Variants in KHDRBS2 observed in about 807,000 individuals in gnomAD.
The protein encoded by KHDRBS2 is KH RNA binding domain containing, signal transduction associated 2, also known as KH domain-containing, RNA-binding, signal transduction-associated protein 2.
KHDRBS2 carries 26 observed loss-of-function variants against 44.3 expected under a neutral mutation model. That is an observed-to-expected ratio of 0.59 (90% CI 0.43 to 0.81). The LOEUF is 0.81. Ranked by LOEUF, KHDRBS2 falls within the 40% of genes least tolerant of loss-of-function variation. The probability of loss-of-function intolerance (pLI) is 0.00; values close to 1 mark genes in which losing one functional copy is unlikely to be tolerated. For missense variants in KHDRBS2, 476 were observed against 433.1 expected, an observed-to-expected ratio of 1.10 and a Z score of -0.88; for synonymous variants, 194 against 151.1, an observed-to-expected ratio of 1.28 and a Z score of -2.08.
At chr6:61,655,667 A>G in the KHDRBS2 span, among the ~76,000 whole-genome samples, 1 of 152,092 alleles carries the variant, frequency 6.6e-6, no homozygotes, top group Admixed American at 6.6e-5. Context: ...TTTGGCTAGA[A>G]ATGCTCATCA....
intron 2 of KHDRBS2, among the ~76,000 whole-genome samples, chr6:62,132,173 C>T (rs1220842732): frequency 6.6e-6 from 1 of 152,070 alleles, no homozygotes; most frequent in Non-Finnish European, 1.5e-5. Flanking sequence ...TATGATAATT[C>T]TGAGATTTTC....
intron 2 of KHDRBS2, among the ~76,000 whole-genome samples, chr6:62,049,985 G>A (rs1477531260): frequency 6.6e-6 from 1 of 152,004 alleles, no homozygotes; most frequent in Non-Finnish European, 1.5e-5. Flanking sequence ...AAAGACACAT[G>A]CACACTTATG....
At chr6:61,730,133 C>A (rs1774211155) in intron 7 of KHDRBS2, among the ~76,000 whole-genome samples, 1 of 151,984 alleles carries the variant, frequency 6.6e-6, no homozygotes. Context: ...ATTTTTTCAA[C>A]AAATCTTTAC....
intron 8 of KHDRBS2, 82 bp downstream of exon 8, chr6:61,697,113 G>A (rs1257768542): frequency 2.4e-5 from 23 of 945,612 alleles, no homozygotes; most frequent in Non-Finnish European, 3.7e-5. Flanking sequence ...AAACTAGGGG[G>A]AGAAAGATGG....
chr6:62,204,899 A>G (rs150437212), intron 1 of KHDRBS2, among the ~76,000 whole-genome samples: 103 of 152,206 alleles, frequency 6.8e-4, no homozygotes, highest in African/African-American at 2.4e-3. Context: ...AAATGGGCCT[A>G]TGTAGTTCAA....
At chr6:61,908,082 A>G (rs1805353384) in intron 4 of KHDRBS2, among the ~76,000 whole-genome samples, 1 of 152,178 alleles carries the variant, frequency 6.6e-6, no homozygotes, top group East Asian at 1.9e-4. Context: ...CAACTTGCTA[A>G]CATAGATATT....
intron 2 of KHDRBS2, among the ~76,000 whole-genome samples, chr6:62,074,488 A>G (rs1435764273): frequency 6.6e-6 from 1 of 151,820 alleles, no homozygotes; most frequent in Admixed American, 6.6e-5. Context: ...CTCACCTCTC[A>G]TGTCTGGCTT....
intron 6 of KHDRBS2, among the ~76,000 whole-genome samples, chr6:61,866,061 G>C (rs933546840): frequency 6.6e-6 from 1 of 152,186 alleles, no homozygotes; most frequent in African/African-American, 2.4e-5. Context: ...CTGGGCTCTG[G>C]AGGATGGTGG....
chr6:61,959,519 T>C (rs1768164424), intron 4 of KHDRBS2, among the ~76,000 whole-genome samples: 2 of 152,118 alleles, frequency 1.3e-5, no homozygotes. Context: ...AAAATATCGA[T>C]AGAAACAATT....
At chr6:62,095,707 A>C (rs1310819474) in intron 2 of KHDRBS2, among the ~76,000 whole-genome samples, 5 of 151,802 alleles carry the variant, frequency 3.3e-5, no homozygotes, top group Admixed American at 1.3e-4. Flanking sequence ...TATACCTTTT[A>C]TTTCTTTTTC....
At chr6:62,129,225 C>A (rs1181831908) in intron 2 of KHDRBS2, among the ~76,000 whole-genome samples, 1 of 152,106 alleles carries the variant, frequency 6.6e-6, no homozygotes, top group Non-Finnish European at 1.5e-5. Flanking sequence ...TAAAACCCCA[C>A]AACAAGTTAT....
chr6:62,231,031 A>G (rs1832815411), intron 1 of KHDRBS2, among the ~76,000 whole-genome samples: 2 of 152,334 alleles, frequency 1.3e-5, no homozygotes, highest in South Asian at 4.1e-4. Context: ...CACATGAGCT[A>G]TTATACCTTC....
chr6:62,075,209 T>C (rs1250780219), intron 2 of KHDRBS2, among the ~76,000 whole-genome samples: 2 of 151,624 alleles, frequency 1.3e-5, no homozygotes, highest in East Asian at 3.9e-4. Context: ...CTTTGGGAGG[T>C]GATCAGGTCA....
At chr6:61,568,296 T>C in the KHDRBS2 span, among the ~76,000 whole-genome samples, 2 of 152,190 alleles carry the variant, frequency 1.3e-5, no homozygotes, top group Non-Finnish European at 2.9e-5. Context: ...TTCATTCTTT[T>C]TGTTTAAGAT....
intron 4 of KHDRBS2, among the ~76,000 whole-genome samples, chr6:61,943,164 T>C (rs1812509869): frequency 6.6e-6 from 1 of 151,658 alleles, no homozygotes; most frequent in East Asian, 1.9e-4. Flanking sequence ...AAGGATAATA[T>C]ATCCAGCAAA....
At chr6:62,126,534 G>C (rs1809010544) in intron 2 of KHDRBS2, among the ~76,000 whole-genome samples, 2 of 152,148 alleles carry the variant, frequency 1.3e-5, no homozygotes, top group African/African-American at 4.8e-5. Context: ...ATGAAACCCA[G>C]TGCTAGGCTG....
chr6:61,549,507 T>C, the KHDRBS2 span, among the ~76,000 whole-genome samples: 2 of 152,160 alleles, frequency 1.3e-5, no homozygotes, highest in East Asian at 3.9e-4. Context: ...GGAATAATTA[T>C]ATTTTCCAAG....
chr6:61,854,519 A>T (rs1428454706), intron 6 of KHDRBS2, among the ~76,000 whole-genome samples: 2 of 152,154 alleles, frequency 1.3e-5, no homozygotes, highest in African/African-American at 4.8e-5. Context: ...AATGTTTTAA[A>T]AAAGCACAGT....
rs185755056 is a variant in KHDRBS2, at chr6:62,151,166, G to A, written c.219+26019C>T. Among the ~76,000 whole-genome samples the A allele has an allele frequency of 4.3e-4, 66 of 152,260 alleles. 1 individual carries two copies. The East Asian group carries it at 0.012, about 27-fold the overall frequency. On this transcript the variant is annotated intron_variant, in intron 2 of 8. Transcript: ENST00000281156. ...TCACATACTATTGATGAATTGCCGA[G>A]ATATTTAATGAATTTCCCTTAGCTT...
Sources: allele counts gnomAD v4.1 joint callset (sites outside exome capture counted in the v4.1 genomes callset), GRCh38; gene constraint gnomAD v4.1.1; transcripts MANE v1.5; gene names NCBI Gene and HGNC (gene_info 2026-07-23, HGNC 2026-07-21).